Variants in PCDH15 observed in about 807,000 individuals in gnomAD.
PCDH15 encodes protocadherin-15.
Under a neutral mutation model 178.5 loss-of-function variants are expected in PCDH15, and 129 were observed. The ratio of observed to expected loss-of-function variants is 0.72; its 90% CI spans 0.63 to 0.84. The LOEUF is 0.84. Ranked by LOEUF, PCDH15 falls within the 40% of genes least tolerant of loss-of-function variation. The probability of loss-of-function intolerance (pLI) is 0.00; values close to 1 mark genes in which losing one functional copy is unlikely to be tolerated. For synonymous variants in PCDH15, 800 were observed against 732.0 expected (o/e 1.09, Z -1.50); for missense variants, 2,230 against 2,099.9 (o/e 1.06, Z -1.21).
At chr10:54,796,927 C>T (rs1241835647) in intron 1 of PCDH15, among the ~76,000 whole-genome samples, 1 of 152,020 alleles carries the variant, frequency 6.6e-6, no homozygotes, top group Non-Finnish European at 1.5e-5. Context: ...AGAAAAGTCA[C>T]TGTCCTTGGA....
At chr10:55,264,774 T>C (rs1449506561) in intron 1 of PCDH15, among the ~76,000 whole-genome samples, 5 of 152,124 alleles carry the variant, frequency 3.3e-5, no homozygotes, top group Non-Finnish European at 5.9e-5. Flanking sequence ...CAATTATGAT[T>C]TACAGCAAGG....
intron 8 of PCDH15, among the ~76,000 whole-genome samples, chr10:54,287,314 T>C (rs2059091874): frequency 6.6e-6 from 1 of 152,206 alleles, no homozygotes; most frequent in African/African-American, 2.4e-5. Context: ...TCTTGGGCTT[T>C]TATGACACAC....
At chr10:54,131,434 T>C (rs2042427713) in intron 15 of PCDH15, among the ~76,000 whole-genome samples, 1 of 152,172 alleles carries the variant, frequency 6.6e-6, no homozygotes, top group African/African-American at 2.4e-5. Context: ...TGAACTATCT[T>C]AATATTTGAT....
chr10:54,997,465 T>A (rs1323680623), intron 2 of PCDH15, among the ~76,000 whole-genome samples: 1 of 152,192 alleles, frequency 6.6e-6, no homozygotes, highest in Non-Finnish European at 1.5e-5. Flanking sequence ...AAAAGTTTCT[T>A]AGGAATTGTC....
intron 2 of PCDH15, among the ~76,000 whole-genome samples, chr10:55,004,565 G>A (rs1839877585): frequency 6.6e-6 from 1 of 152,116 alleles, no homozygotes; most frequent in Non-Finnish European, 1.5e-5. Flanking sequence ...CCCACCATCT[G>A]TTTACTGTTG....
At chr10:55,236,533 T>G (rs1401566490) in intron 1 of PCDH15, among the ~76,000 whole-genome samples, 1 of 152,064 alleles carries the variant, frequency 6.6e-6, no homozygotes. Flanking sequence ...AATTTGTGCC[T>G]TATTAAACAT....
chr10:55,154,686 G>A (rs1454960181), intron 2 of PCDH15, among the ~76,000 whole-genome samples: 1 of 152,132 alleles, frequency 6.6e-6, no homozygotes, highest in Admixed American at 6.6e-5. Flanking sequence ...AATATGCATA[G>A]TGGATAATTG....
chr10:55,497,708 G>T (rs1357637055), intron 2 of PCDH15, among the ~76,000 whole-genome samples: 1 of 151,846 alleles, frequency 6.6e-6, no homozygotes, highest in Non-Finnish European at 1.5e-5. Flanking sequence ...TCTGGGAAAA[G>T]ACTTAGTTTG....
At chr10:54,566,055 GC>G (rs1417473850) in intron 2 of PCDH15, among the ~76,000 whole-genome samples, 1 of 152,170 alleles carries the variant, frequency 6.6e-6, no homozygotes, top group African/African-American at 2.4e-5. Context: ...TTTCACTCCA[GC>G]CTGGGCAACA....
At chr10:54,220,171 C>G (rs910219461) in intron 9 of PCDH15, among the ~76,000 whole-genome samples, 1 of 152,216 alleles carries the variant, frequency 6.6e-6, no homozygotes, top group African/African-American at 2.4e-5. Flanking sequence ...AGCCGCTGAG[C>G]TGGGAAAGAT....
At chr10:54,433,275 T>C (rs1434919943) in intron 3 of PCDH15, among the ~76,000 whole-genome samples, 1 of 152,160 alleles carries the variant, frequency 6.6e-6, no homozygotes, top group Non-Finnish European at 1.5e-5. Flanking sequence ...CTCCCTTGTT[T>C]GGCCAGCACT....
intron 2 of PCDH15, among the ~76,000 whole-genome samples, chr10:55,515,368 A>G (rs1840988497): frequency 1.3e-5 from 2 of 152,024 alleles, no homozygotes; most frequent in South Asian, 4.1e-4. Flanking sequence ...TTCAACTATA[A>G]ATCTTGGAAG....
intron 2 of PCDH15, among the ~76,000 whole-genome samples, chr10:55,016,545 A>G (rs530987114): frequency 6.6e-6 from 1 of 152,282 alleles, no homozygotes; most frequent in East Asian, 1.9e-4. Flanking sequence ...CACTTAACCC[A>G]GTAACCATCA....
chr10:54,709,700 A>G (rs559445014), intron 1 of PCDH15, among the ~76,000 whole-genome samples: 13 of 147,350 alleles, frequency 8.8e-5, no homozygotes, highest in South Asian at 2.1e-4. Context: ...GTGTGTATAT[A>G]TATATTATTT....
At chr10:55,178,087 G>A (rs943692111) in intron 1 of PCDH15, among the ~76,000 whole-genome samples, 6 of 152,094 alleles carry the variant, frequency 3.9e-5, no homozygotes, top group African/African-American at 1.4e-4. Flanking sequence ...CCAATATCTG[G>A]AAAGAGAGAG....
chr10:54,364,996 C>A (rs975219387), intron 5 of PCDH15, among the ~76,000 whole-genome samples: 5 of 152,086 alleles, frequency 3.3e-5, no homozygotes, highest in African/African-American at 1.2e-4. Flanking sequence ...TGTCTTTGAT[C>A]TCCCCTTATG....
chr10:53,887,864 G>A (rs1243915645), intron 26 of PCDH15, among the ~76,000 whole-genome samples: 6 of 152,054 alleles, frequency 3.9e-5, no homozygotes, highest in African/African-American at 1.4e-4. Context: ...ACTCCAGCCT[G>A]GGCGACAGAG....
chr10:55,573,886 T>C (rs1842450985), intron 2 of PCDH15, among the ~76,000 whole-genome samples: 1 of 151,894 alleles, frequency 6.6e-6, no homozygotes, highest in Admixed American at 6.6e-5. Context: ...TATATTATTA[T>C]AACGTTTCTT....
intron 3 of PCDH15, among the ~76,000 whole-genome samples, chr10:54,379,520 G>A (rs1948913397): frequency 6.6e-6 from 1 of 151,910 alleles, no homozygotes; most frequent in South Asian, 2.1e-4. Context: ...GACATGTCTG[G>A]GTTACTCTAC....
Sources: gnomAD v4.1 joint callset for allele counts (sites outside exome capture counted in the v4.1 genomes callset) on GRCh38, gnomAD v4.1.1 for gene constraint, MANE v1.5 for transcripts, NCBI Gene and HGNC (gene_info 2026-07-23, HGNC 2026-07-21) for gene names.